The following BCAR3 variants were observed in gnomAD, a reference collection of about 807,000 sequenced individuals.
The protein encoded by BCAR3 is BCAR3 adaptor protein, NSP family member.
In BCAR3, 37 loss-of-function variants were observed where a neutral mutation model predicts 80.1. The observed-to-expected ratio is 0.46, with a 90% CI of 0.36 to 0.61. The LOEUF (loss-of-function observed/expected upper bound fraction) is 0.61. Ranked by LOEUF, BCAR3 falls within the 20% of genes least tolerant of loss-of-function variation. The pLI, the probability that BCAR3 is intolerant of heterozygous loss-of-function variation, is 0.00. For synonymous variants in BCAR3, 389 were observed against 418.9 expected (o/e 0.93, Z 0.87); for missense variants, 978 against 1,068.2 (o/e 0.92, Z 1.18).
chr1:93,713,530 G>T (rs1474106639), intron 2 of BCAR3, among the ~76,000 whole-genome samples: 1 of 152,166 alleles, frequency 6.6e-6, no homozygotes, highest in Admixed American at 6.5e-5. Flanking sequence ...AGTGAAATGT[G>T]CTCATTTCAG....
chr1:93,573,800 C>T (rs971521575), intron 8 of BCAR3, among the ~76,000 whole-genome samples: 12 of 141,024 alleles, frequency 8.5e-5, no homozygotes, highest in African/African-American at 2.5e-4. Flanking sequence ...AGCTAATTTT[C>T]GTGTTTTTTT....
At chr1:93,724,422 CT>C (rs1650509625) in intron 2 of BCAR3, among the ~76,000 whole-genome samples, 1 of 152,196 alleles carries the variant, frequency 6.6e-6, no homozygotes, top group African/African-American at 2.4e-5. Flanking sequence ...GTTTGTTGGA[CT>C]GTTATAACTC....
intron 3 of BCAR3, among the ~76,000 whole-genome samples, chr1:93,631,121 C>A (rs892738245): frequency 6.6e-6 from 1 of 152,200 alleles, no homozygotes; most frequent in African/African-American, 2.4e-5. Context: ...GCCTGCCTTG[C>A]CTCTTCCTCA....
At chr1:93,642,128 G>GACCCCTACAAAATTTACC (rs1553162819) in intron 3 of BCAR3, among the ~76,000 whole-genome samples, 176 bp downstream of exon 3, 1 of 152,160 alleles carries the variant, frequency 6.6e-6, no homozygotes, top group Admixed American at 6.5e-5. Flanking sequence ...GATGACGTGA[G>GACCCCTACAAAATTTACC]ACCCCTACAA....
At chr1:93,578,135 T>A (rs947373035) in intron 7 of BCAR3, among the ~76,000 whole-genome samples, 7 of 152,212 alleles carry the variant, frequency 4.6e-5, no homozygotes, top group Admixed American at 4.6e-4. Flanking sequence ...GCTGGTCTGC[T>A]CTGCTGCATC....
intron 1 of BCAR3, among the ~76,000 whole-genome samples, chr1:93,678,703 C>A (rs571448964): frequency 6.6e-6 from 1 of 152,048 alleles, no homozygotes; most frequent in Admixed American, 6.6e-5. Flanking sequence ...ATGACTGTTG[C>A]GGGTGGAGAG....
At chr1:93,577,270 G>C (rs1034838424) in intron 7 of BCAR3, among the ~76,000 whole-genome samples, 1 of 91,768 alleles carries the variant, frequency 1.1e-5, no homozygotes, top group African/African-American at 2.7e-5. Flanking sequence ...GGCAGGCATG[G>C]GACGGTTCCT....
intron 2 of BCAR3, among the ~76,000 whole-genome samples, chr1:93,751,863 C>T (rs893749732): frequency 2.6e-5 from 4 of 152,330 alleles, no homozygotes; most frequent in East Asian, 1.9e-4. Context: ...CCCAGCCTGG[C>T]GGGGAACAGC....
Position 93,778,427 on chromosome 1 carries a change from C to T in BCAR3, c.-63+67140G>A, listed in dbSNP as rs78248647. Among the ~76,000 whole-genome samples the T allele has an allele frequency of 5.2e-3, 784 of 152,168 alleles. 35 individuals are homozygous for T. In the East Asian group the frequency reaches 0.11, roughly 20 times the overall value. On this transcript the variant is annotated intron_variant, in intron 2 of 13. Transcript: ENST00000370244. The stretch of plus-strand genomic sequence containing the variant: ...GTTTCTATCAACATTAGCCTAATTA[C>T]TTATTTGCTCTATCCTATTATATAT...
chr1:93,845,463 T>G (rs1240375688), intron 2 of BCAR3: 1 of 2,796 alleles, frequency 3.6e-4, no homozygotes, highest in African/African-American at 2.4e-3. Context: ...ATAACAATTT[T>G]ATATATATAT....
At chr1:93,601,137 CA>C (rs757580213) in intron 3 of BCAR3, among the ~76,000 whole-genome samples, 3 of 152,184 alleles carry the variant, frequency 2.0e-5, no homozygotes, top group Non-Finnish European at 4.4e-5. Context: ...GCAGGTAAAG[CA>C]TCTGGCACTA....
At chr1:93,728,773 C>T (rs778310877) in intron 2 of BCAR3, among the ~76,000 whole-genome samples, 7 of 152,166 alleles carry the variant, frequency 4.6e-5, no homozygotes, top group South Asian at 2.1e-4. Context: ...CTTCCTCCAC[C>T]GATCTGCTTC....
In BCAR3 at chr1:93,695,307, A is replaced by T. The variant is rs181151285; in HGVS notation, c.-12+10785T>A. ...AACCCTGCAGGCCCACCCCATCACA[A>T]ATCTAGGGTAAGCTCAACTTCATCT... On this transcript the variant is annotated intron_variant, in intron 3 of 13. Coordinates refer to the BCAR3 transcript ENST00000370244. 1.5e-3 allele frequency among the ~76,000 whole-genome samples: 222 copies of T among 152,128 alleles called. 2 individuals are homozygous for T. Among genetic ancestry groups the T allele is most frequent in the African/African-American group, 5.0e-3 (207 of 41,490 alleles).
chr1:93,816,670 C>CAAAA (rs60051218), intron 2 of BCAR3, among the ~76,000 whole-genome samples: 21 of 53,878 alleles, frequency 3.9e-4, no homozygotes, highest in Admixed American at 1.1e-3. Flanking sequence ...GACTCCATCT[C>CAAAA]AAAAAAAAAA....
intron 2 of BCAR3, among the ~76,000 whole-genome samples, chr1:93,643,473 G>T (rs1381745507): frequency 6.9e-6 from 1 of 145,894 alleles, no homozygotes; most frequent in African/African-American, 2.6e-5. Context: ...TTGAACCCAG[G>T]AGGCGGAGGT....
Position 93,718,688 on chromosome 1 carries a change from CTTTTTTTTTT to C in BCAR3, c.-62-12556_-62-12547del, listed in dbSNP as rs71094259. ...CAACCATCTGAACTACATTGTTTTTCTTTTTTTTTTTTTTTTTTTTTTTTGAGACGGGGTT... is the reference window on the plus strand; with the variant it reads ...CAACCATCTGAACTACATTGTTTTTCTTTTTTTTTTTTTTGAGACGGGGTT... On this transcript the variant is annotated intron_variant, in intron 2 of 13. Coordinates refer to the BCAR3 transcript ENST00000370244. 1.2e-3 allele frequency among the ~76,000 whole-genome samples: 93 copies of C among 77,062 alleles called. 1 individual carries two copies. The highest frequency in any genetic ancestry group is 4.4e-3 in the African/African-American group (89 of 20,458). 50.6% of individuals were successfully genotyped at this position (77,062 alleles called of 152,430 possible).
chr1:93,773,737 C>T (rs1652439885), intron 2 of BCAR3, among the ~76,000 whole-genome samples: 1 of 152,144 alleles, frequency 6.6e-6, no homozygotes. Flanking sequence ...TAGGTTAGTC[C>T]ATTCCCCCAC....
chr1:93,826,570 C>T (rs1459311983), intron 2 of BCAR3, among the ~76,000 whole-genome samples: 1 of 152,186 alleles, frequency 6.6e-6, no homozygotes, highest in Non-Finnish European at 1.5e-5. Flanking sequence ...CTACCGTGTG[C>T]AGGAAGTGAT....
intron 3 of BCAR3, among the ~76,000 whole-genome samples, chr1:93,610,661 A>G (rs1013696978): frequency 2.0e-5 from 3 of 152,172 alleles, no homozygotes; most frequent in Non-Finnish European, 2.9e-5. Context: ...AAAGAACGCT[A>G]GCAGCCAGGC....
Sources: gnomAD v4.1 joint callset for allele counts (sites outside exome capture counted in the v4.1 genomes callset) on GRCh38, gnomAD v4.1.1 for gene constraint, MANE v1.5 for transcripts, NCBI Gene and HGNC (gene_info 2026-07-23, HGNC 2026-07-21) for gene names.